ABHD17B: variants seen among roughly 807,000 people sequenced by gnomAD.
ABHD17B encodes the protein abhydrolase domain containing 17B, depalmitoylase.
Under a neutral mutation model 26.2 loss-of-function variants are expected in ABHD17B, and 9 were observed. That is an observed-to-expected ratio of 0.34 (90% CI 0.21 to 0.60). The LOEUF (loss-of-function observed/expected upper bound fraction) is 0.60, where lower values mean the gene tolerates loss of function less well. ABHD17B is among the 20% of genes least tolerant of loss of function. The pLI is 0.80. For synonymous variants in ABHD17B, 127 were observed against 122.3 expected, an observed-to-expected ratio of 1.04 and a Z score of -0.25; for missense variants, 224 against 352.1, an observed-to-expected ratio of 0.64 and a Z score of 2.91.
At chr9:71,864,213 C>CTTTTTTTTTT (rs762446648), downstream of ABHD17B, among the ~76,000 whole-genome samples, 7 of 80,398 alleles carry the variant, frequency 8.7e-5, no homozygotes, top group Admixed American at 2.1e-4. Flanking sequence ...GCCAAACTTT[C>CTTTTTTTTTT]TTTTTTTTTT....
chr9:71,903,069 CT>C (rs1454217843), intron 1 of ABHD17B, among the ~76,000 whole-genome samples: 1 of 152,082 alleles, frequency 6.6e-6, no homozygotes, highest in Admixed American at 6.6e-5. Context: ...AAATCCTACC[CT>C]TTTAATGTGA....
At chr9:71,874,107 G>T (rs1332294488) in intron 2 of ABHD17B, among the ~76,000 whole-genome samples, 2 of 151,596 alleles carry the variant, frequency 1.3e-5, no homozygotes, top group African/African-American at 4.8e-5. Flanking sequence ...TTGCAGCTTT[G>T]AATAAACATT....
chr9:71,865,311 A>T lies in ABHD17B; in HGVS notation c.*1476T>A. The T allele has an allele frequency of 9.1e-6, 9 of 985,462 alleles. No individual in the cohort carries two copies. Among genetic ancestry groups the T allele is most frequent in the Non-Finnish European group, 9.6e-6 (8 of 829,622 alleles). 61.0% of individuals were successfully genotyped at this position (985,462 alleles called of 1,614,324 possible). A position where few individuals can be genotyped will look rare whatever the true frequency, so the allele number is the denominator to read the frequency against. ...CTACATAAGGCCTTAAAATATATCC[A>T]CAGTGTGTATTATTTCCATATTCAT... On this transcript the variant is annotated 3_prime_UTR_variant, in exon 4 of 4. Coordinates refer to ENST00000333421, the MANE Select transcript of ABHD17B (RefSeq NM_001025780.3).
rs766595687 is a variant in ABHD17B at position 71,866,917 on chromosome 9, A to G, written c.737T>C (p.Leu246Ser). 6.2e-7 allele frequency: 1 copy of G among 1,614,208 alleles called. No homozygotes were observed. The highest frequency in any genetic ancestry group is 8.5e-7 in the Non-Finnish European group (1 of 1,180,040). The change falls in exon 4 of 4, where the codon TTG becomes TCG. Residue 246 changes from leucine to serine, a missense_variant. Transcript: ENST00000333421. ...CACAGGTCTTTGGCAACGTTCAAAC[A>G]ATGCGAGGCCATGTGAAAAGTCAAT... ...EVIDFSHGLALFERCQRPVEP... is the reference protein window; with the variant it reads ...EVIDFSHGLASFERCQRPVEP...
intron 2 of ABHD17B, among the ~76,000 whole-genome samples, chr9:71,870,695 A>C (rs112651142): frequency 3.9e-5 from 6 of 152,302 alleles, no homozygotes; most frequent in African/African-American, 1.4e-4. Flanking sequence ...GGCTCATTTT[A>C]ATTTCCAAAA....
At chr9:71,889,910 C>T (rs1826731334) in intron 1 of ABHD17B, among the ~76,000 whole-genome samples, 1 of 151,990 alleles carries the variant, frequency 6.6e-6, no homozygotes, top group African/African-American at 2.4e-5. Flanking sequence ...GTGCTTACTA[C>T]CATACTCATT....
intron 1 of ABHD17B, among the ~76,000 whole-genome samples, chr9:71,892,081 A>G (rs1245870597): frequency 6.6e-6 from 1 of 152,210 alleles, no homozygotes; most frequent in Admixed American, 6.5e-5. Context: ...TACAAAGTGA[A>G]AAGCATAAAC....
chr9:71,879,776 C>T (rs527822388), intron 1 of ABHD17B, among the ~76,000 whole-genome samples: 173 of 152,306 alleles, frequency 1.1e-3, no homozygotes, highest in African/African-American at 3.9e-3. Flanking sequence ...CACATATTAA[C>T]TAATCCTTTC....
chr9:71,903,078 T>G (rs1215659354), intron 1 of ABHD17B, among the ~76,000 whole-genome samples: 1 of 152,202 alleles, frequency 6.6e-6, no homozygotes, highest in Admixed American at 6.5e-5. Context: ...CCTTTTAATG[T>G]GACTACATCC....
At chr9:71,893,476 A>G (rs1329175268) in intron 1 of ABHD17B, among the ~76,000 whole-genome samples, 1 of 152,240 alleles carries the variant, frequency 6.6e-6, no homozygotes, top group Non-Finnish European at 1.5e-5. Context: ...TATAAAGGAT[A>G]TTACAAAGGA....
chr9:71,900,779 C>A (rs1333988359), intron 1 of ABHD17B, among the ~76,000 whole-genome samples: 1 of 152,046 alleles, frequency 6.6e-6, no homozygotes, highest in East Asian at 1.9e-4. Flanking sequence ...TAGTTGCAGC[C>A]TCTCTCACTC....
At chr9:71,909,635 T>C (rs1002710290) in intron 1 of ABHD17B, among the ~76,000 whole-genome samples, 3 of 152,168 alleles carry the variant, frequency 2.0e-5, no homozygotes, top group Non-Finnish European at 4.4e-5. Flanking sequence ...TCTCCAAAGA[T>C]TTATTAGAGG....
intron 1 of ABHD17B, among the ~76,000 whole-genome samples, chr9:71,889,919 T>C (rs1826731468): frequency 6.6e-6 from 1 of 151,996 alleles, no homozygotes; most frequent in African/African-American, 2.4e-5. Flanking sequence ...ACCATACTCA[T>C]TTTTTAAAAA....
intron 2 of ABHD17B, 139 bp from the exon 3 acceptor site, chr9:71,870,401 C>A: frequency 1.5e-6 from 1 of 654,932 alleles, no homozygotes. Flanking sequence ...TTAGCTATTA[C>A]TGTTAGTTTT....
rs34138165 is a variant in ABHD17B, at chr9:71,874,679, G to A, written c.402C>T (p.Ser134=). The change falls in exon 2 of 4, where the codon TCC becomes TCT. Residue 134 remains serine (S), a synonymous_variant. Transcript: ENST00000333421. The part of the protein sequence containing the change: ...SYDYSGYGAS[S]GKPTEKNLYA... ...AGAGGTTCTTCTCTGTGGGTTTCCC[G>A]GAACTGGCACCATATCCAGAATAAT... The A allele has an allele frequency of 5.4e-4, 879 of 1,613,394 alleles. 1 individual carries two copies. The African/African-American group carries it at 9.8e-3, about 18-fold the overall frequency.
downstream of ABHD17B, chr9:71,862,493 C>A (rs1825853493): frequency 1.4e-6 from 2 of 1,446,540 alleles, no homozygotes; most frequent in African/African-American, 2.9e-5. Flanking sequence ...TTGAAAGGAT[C>A]ATTGGTATAT....
At chr9:71,889,650 T>C (rs1250452421) in intron 1 of ABHD17B, among the ~76,000 whole-genome samples, 1 of 152,160 alleles carries the variant, frequency 6.6e-6, no homozygotes, top group Non-Finnish European at 1.5e-5. Flanking sequence ...AATACTGTTA[T>C]CTAGCGACAT....
Position 71,883,121 on chromosome 9 carries a change from C to T in ABHD17B, c.-3-8038G>A, listed in dbSNP as rs779160934. Among the ~76,000 whole-genome samples, 26 of 151,952 alleles carry T rather than the reference C, an allele frequency of 1.7e-4. 1 individual carries two copies. Among genetic ancestry groups the T allele is most frequent in the Admixed American group, 7.9e-4 (12 of 15,264 alleles). ...TTGCGCCATTGCACTCCAGCCTGGGCGACAGGGCGAGACTCCATCTCAAAA... is the reference window on the plus strand; with the variant it reads ...TTGCGCCATTGCACTCCAGCCTGGGTGACAGGGCGAGACTCCATCTCAAAA... On this transcript the variant is annotated intron_variant, in intron 1 of 3. Coordinates refer to ENST00000333421, the MANE Select transcript of ABHD17B (RefSeq NM_001025780.3).
intron 1 of ABHD17B, among the ~76,000 whole-genome samples, chr9:71,904,020 C>T (rs141606674): frequency 1.1e-3 from 162 of 152,344 alleles, no homozygotes; most frequent in Middle Eastern, 6.8e-3. Flanking sequence ...AGACCATATT[C>T]TATCCACTCT....
Sources: gnomAD v4.1 joint callset for allele counts (sites outside exome capture counted in the v4.1 genomes callset) on GRCh38, gnomAD v4.1.1 for gene constraint, MANE v1.5 for transcripts, NCBI Gene and HGNC (gene_info 2026-07-23, HGNC 2026-07-21) for gene names.